The following MCPH1 variants were observed in gnomAD, a reference collection of about 807,000 sequenced individuals.
MCPH1 encodes the protein microcephalin 1, also known as microcephalin.
A neutral mutation model predicts 84.5 loss-of-function variants in MCPH1; 104 were observed. That is an observed-to-expected ratio of 1.23 (90% CI 1.05 to 1.45). MCPH1 has a LOEUF of 1.45. MCPH1 is among the 40% of genes most tolerant of loss of function. MCPH1 has a pLI of 0.00. For synonymous variants in MCPH1, 514 were observed against 366.8 expected, an observed-to-expected ratio of 1.40 and a Z score of -4.58; for missense variants, 1,498 against 1,005.7, an observed-to-expected ratio of 1.49 and a Z score of -6.62.
intron 12 of MCPH1, among the ~76,000 whole-genome samples, chr8:6,535,548 A>G (rs1364832646): frequency 6.6e-6 from 1 of 152,210 alleles, no homozygotes; most frequent in Non-Finnish European, 1.5e-5. Context: ...CAGATTACAA[A>G]TACACATGAT....
At position 6,436,053 on chromosome 8, in the gene MCPH1, A is replaced by G; in HGVS notation, c.327A>G (p.Lys109=). ...TTTGTGTTCTTTTTGCACAGCGTAA[A>G]TGTATGCAGCCCAAAGATTTTAATT... is the stretch of plus-strand genomic sequence containing the variant. ...HLSSLIKKKR[K]CMQPKDFNFK... Residue 109 remains lysine, a synonymous_variant, in exon 5 of 14, where the codon AAA becomes AAG. Coordinates refer to ENST00000344683, the MANE Select transcript of MCPH1 (RefSeq NM_024596.5). 1.9e-6 allele frequency: 3 copies of G among 1,613,670 alleles called. No individual in the cohort carries two copies. The highest frequency in any genetic ancestry group is 2.5e-6 in the Non-Finnish European group (3 of 1,179,780).
Position 6,499,944 on chromosome 8 carries a change from G to T in MCPH1, c.2214+15G>T. On this transcript the variant is annotated intron_variant, in intron 12 of 13. Transcript: ENST00000344683. ...CTGCAGCTCCCGTAAGTCAGATGTTGTTTTACGATGGTAAATGCAGTTTGC... is the reference window on the plus strand; with the variant it reads ...CTGCAGCTCCCGTAAGTCAGATGTTTTTTTACGATGGTAAATGCAGTTTGC... 6.2e-7 allele frequency: 1 copy of T among 1,607,288 alleles called. No homozygotes were observed. Among genetic ancestry groups the T allele is most frequent in the Non-Finnish European group, 8.5e-7 (1 of 1,174,140 alleles).
chr8:6,624,863 C>G (rs1831894247), intron 13 of MCPH1: 1 of 978,076 alleles, frequency 1.0e-6, no homozygotes, highest in Non-Finnish European at 1.2e-6. Flanking sequence ...TAACCAGAAA[C>G]AAATCATATA....
At chr8:6,483,633 G>T (rs1017607784) in intron 11 of MCPH1, among the ~76,000 whole-genome samples, 1 of 152,216 alleles carries the variant, frequency 6.6e-6, no homozygotes, top group African/African-American at 2.4e-5. Flanking sequence ...AACACTTTGG[G>T]TGGATCACCT....
intron 12 of MCPH1, chr8:6,521,180 T>C: frequency 6.2e-7 from 1 of 1,610,926 alleles, no homozygotes. Flanking sequence ...AAACTTACAG[T>C]TTGATGTGGA....
intron 9 of MCPH1, among the ~76,000 whole-genome samples, chr8:6,473,265 G>T (rs1369954232): frequency 7.0e-6 from 1 of 143,484 alleles, no homozygotes; most frequent in African/African-American, 2.6e-5. Flanking sequence ...TATTTCTTCA[G>T]ATTTATTAAT....
At chr8:6,488,171 C>T (rs1268201644) in intron 11 of MCPH1, among the ~76,000 whole-genome samples, 1 of 152,218 alleles carries the variant, frequency 6.6e-6, no homozygotes, top group Non-Finnish European at 1.5e-5. Flanking sequence ...TGGCCTCTGG[C>T]CGCTGGGAGC....
At chr8:6,530,139 G>T (rs187106957) in intron 12 of MCPH1, among the ~76,000 whole-genome samples, 10 of 152,222 alleles carry the variant, frequency 6.6e-5, no homozygotes, top group Non-Finnish European at 1.5e-4. Flanking sequence ...ACCCATCAGT[G>T]TTAGTATCAA....
At chr8:6,409,139 G>A (rs1201249354) in intron 1 of MCPH1, 140 bp from the exon 2 acceptor site, 22 of 727,568 alleles carry the variant, frequency 3.0e-5, no homozygotes, top group Non-Finnish European at 4.9e-5. Context: ...ACCCACTTCC[G>A]CCTCCCACAG....
chr8:6,487,371 A>C (rs1166075857), intron 11 of MCPH1, among the ~76,000 whole-genome samples: 1 of 152,342 alleles, frequency 6.6e-6, no homozygotes, highest in East Asian at 1.9e-4. Flanking sequence ...TTAGAATAAC[A>C]CACTCAGTTC....
At chr8:6,623,687 CCAAA>C (rs1437211081) in intron 13 of MCPH1, among the ~76,000 whole-genome samples, 122 of 17,022 alleles carry the variant, frequency 7.2e-3, no homozygotes, top group African/African-American at 0.035. Context: ...AAACCAACTT[CCAAA>C]AAAAAAAAAA....
intron 12 of MCPH1, among the ~76,000 whole-genome samples, chr8:6,599,467 T>C (rs1829201816): frequency 6.6e-6 from 1 of 152,228 alleles, no homozygotes; most frequent in African/African-American, 2.4e-5. Context: ...TGTTTTCCTC[T>C]CCACTTTAAT....
chr8:6,415,278 A>C (rs2515419), intron 3 of MCPH1, among the ~76,000 whole-genome samples: 146,919 of 151,080 alleles, frequency 0.97, 71,577 homozygotes, highest in East Asian at 1. Context: ...TCAAGTTGTC[A>C]ACAGGGTTGG....
At chr8:6,515,066 G>C (rs1815987917) in intron 12 of MCPH1, among the ~76,000 whole-genome samples, 1 of 151,536 alleles carries the variant, frequency 6.6e-6, no homozygotes, top group Admixed American at 6.6e-5. Context: ...ACCCCACCCT[G>C]ATGGCTGGTC....
At chr8:6,414,904 T>C in intron 3 of MCPH1, 21 bp downstream of exon 3, 1 of 1,606,702 alleles carries the variant, frequency 6.2e-7, no homozygotes, top group Non-Finnish European at 8.5e-7. Flanking sequence ...TCTCTCTTAC[T>C]TTTTTTCCTT....
At chr8:6,547,432 C>T (rs983209597) in intron 12 of MCPH1, among the ~76,000 whole-genome samples, 1 of 152,104 alleles carries the variant, frequency 6.6e-6, no homozygotes, top group Non-Finnish European at 1.5e-5. Flanking sequence ...CACTCCACTG[C>T]CATAAGTTAT....
intron 3 of MCPH1, among the ~76,000 whole-genome samples, chr8:6,427,031 C>T (rs1194999539): frequency 6.6e-6 from 1 of 152,216 alleles, no homozygotes; most frequent in Non-Finnish European, 1.5e-5. Flanking sequence ...AGCTACTGCA[C>T]ACCTAGGCTC....
At chr8:6,428,724 A>G (rs1286402467) in intron 3 of MCPH1, among the ~76,000 whole-genome samples, 2 of 151,648 alleles carry the variant, frequency 1.3e-5, no homozygotes, top group Non-Finnish European at 2.9e-5. Flanking sequence ...ATCATGTTCC[A>G]TTGTATGGAC....
chr8:6,496,069 T>C (rs912004493), intron 11 of MCPH1, among the ~76,000 whole-genome samples: 1 of 152,194 alleles, frequency 6.6e-6, no homozygotes, highest in Non-Finnish European at 1.5e-5. Context: ...TACACTTTAT[T>C]TCTATTATTA....
Sources: allele counts gnomAD v4.1 joint callset (sites outside exome capture counted in the v4.1 genomes callset), GRCh38; gene constraint gnomAD v4.1.1; transcripts MANE v1.5; gene names NCBI Gene and HGNC (gene_info 2026-07-23, HGNC 2026-07-21).